Variants in NHERF2 observed in about 807,000 individuals in gnomAD.
The protein encoded by NHERF2 is NHERF family PDZ scaffold protein 2, also known as Na(+)/H(+) exchange regulatory cofactor NHE-RF2.
the NHERF2 span, chr16:2,037,756 G>A: frequency 6.5e-7 from 1 of 1,550,288 alleles, no homozygotes; most frequent in Non-Finnish European, 8.7e-7. Flanking sequence ...TTGCTCCCTA[G>A]GAGGGGCCAC....
At chr16:2,032,120 A>G in the NHERF2 span, among the ~76,000 whole-genome samples, 1 of 151,208 alleles carries the variant, frequency 6.6e-6, no homozygotes, top group Non-Finnish European at 1.5e-5. The surrounding 1 kb of genome is among the most constrained non-coding windows in gnomAD (Gnocchi z 4.0). Flanking sequence ...CCTGGGTTCA[A>G]GCAATTCTTA....
the NHERF2 span, chr16:2,032,927 G>T: frequency 9.3e-7 from 1 of 1,079,710 alleles, no homozygotes. This position sits in a 1 kb window ranked among gnomAD's most constrained non-coding sequence, Gnocchi z 4.0. Context: ...GGTGTGAGGG[G>T]TGACAGTTCT....
the NHERF2 span, chr16:2,033,001 T>G: frequency 1.7e-6 from 2 of 1,151,422 alleles, no homozygotes; most frequent in Non-Finnish European, 2.1e-6. Context: ...CCCTGGCTCT[T>G]GCTCCTCTGG....
At chr16:2,033,306 C>T in the NHERF2 span, 1 of 1,532,784 alleles carries the variant, frequency 6.5e-7, no homozygotes, top group Non-Finnish European at 8.7e-7. Flanking sequence ...AGAGTTCAGG[C>T]CACCCCGGCC....
At chr16:2,031,027 T>C in the NHERF2 span, among the ~76,000 whole-genome samples, 159 of 150,552 alleles carry the variant, frequency 1.1e-3, no homozygotes, top group South Asian at 6.9e-3. Context: ...GAACCGCGCT[T>C]GGGGCAGGGG....
At chr16:2,029,400 A>G in the NHERF2 span, 1 of 573,004 alleles carries the variant, frequency 1.7e-6, no homozygotes, top group African/African-American at 2.5e-5. Context: ...CTGAGTGCAG[A>G]GGGAGGGAGC....
chr16:2,036,219 T>A, the NHERF2 span: 4 of 1,183,794 alleles, frequency 3.4e-6, no homozygotes, highest in Non-Finnish European at 4.7e-6. Context: ...GGCCTGCCCG[T>A]GGGGGGCACG....
chr16:2,033,505 G>A, the NHERF2 span: 4 of 1,417,050 alleles, frequency 2.8e-6, no homozygotes, highest in Non-Finnish European at 3.8e-6. Flanking sequence ...TGGAAGGAGG[G>A]GACTCCGGGA....
At chr16:2,033,456 A>C in the NHERF2 span, 2 of 1,500,504 alleles carry the variant, frequency 1.3e-6, no homozygotes, top group Non-Finnish European at 1.8e-6. Flanking sequence ...GGAGGAAGGG[A>C]GGGCTAGGAG....
chr16:2,033,153 C>T, the NHERF2 span: 6,566 of 1,417,480 alleles, frequency 4.6e-3, 83 homozygotes, highest in Admixed American at 0.036. Flanking sequence ...TGGGGGGCGC[C>T]AGGCTGGAGC....
the NHERF2 span, among the ~76,000 whole-genome samples, chr16:2,034,702 C>T: frequency 1.1e-4 from 8 of 74,588 alleles, no homozygotes; most frequent in Non-Finnish European, 1.9e-4. Context: ...GCCTGGGGGC[C>T]GTGCTCCACC....
chr16:2,038,028 G>A, the NHERF2 span: 343 of 1,604,572 alleles, frequency 2.1e-4, no homozygotes, highest in Non-Finnish European at 2.7e-4. Context: ...CCTCCCGCAC[G>A]GACCTTGGGC....
the NHERF2 span, chr16:2,035,354 C>G: frequency 2.1e-6 from 2 of 963,176 alleles, no homozygotes; most frequent in Non-Finnish European, 2.4e-6. Context: ...GACCTGCCCT[C>G]CTGAGGTCTG....
At chr16:2,028,191 T>A in the NHERF2 span, among the ~76,000 whole-genome samples, 1 of 152,210 alleles carries the variant, frequency 6.6e-6, no homozygotes, top group South Asian at 2.1e-4. Flanking sequence ...ACCTAGAGAT[T>A]AGCAGGTTGG....
the NHERF2 span, chr16:2,035,337 G>A: frequency 4.3e-6 from 4 of 934,690 alleles, no homozygotes; most frequent in African/African-American, 1.8e-5. Context: ...GGTGTCTGAG[G>A]CCTGGAGACC....
At chr16:2,036,267 G>A in the NHERF2 span, 28 of 1,505,964 alleles carry the variant, frequency 1.9e-5, no homozygotes, top group East Asian at 6.5e-4. Flanking sequence ...ACCGGGGAGT[G>A]GCCTCTGGAG....
At chr16:2,033,427 G>A in the NHERF2 span, 1 of 1,531,392 alleles carries the variant, frequency 6.5e-7, no homozygotes, top group African/African-American at 1.4e-5. Flanking sequence ...CCAGAGGCTG[G>A]TACAGGTCAG....
the NHERF2 span, among the ~76,000 whole-genome samples, chr16:2,037,377 G>A: frequency 6.6e-6 from 1 of 152,100 alleles, no homozygotes; most frequent in East Asian, 1.9e-4. Context: ...ACTGCCAGGC[G>A]CCCGGTGCCT....
At chr16:2,036,010 A>G in the NHERF2 span, 4 of 366,496 alleles carry the variant, frequency 1.1e-5, no homozygotes, top group African/African-American at 8.3e-5. Context: ...GCGACAGTTC[A>G]TCCCACCTGG....
Sources: allele counts gnomAD v4.1 joint callset (sites outside exome capture counted in the v4.1 genomes callset), GRCh38; gene constraint gnomAD v4.1.1; non-coding constraint Gnocchi (gnomAD v3.1); transcripts MANE v1.5; gene names NCBI Gene and HGNC (gene_info 2026-07-23, HGNC 2026-07-21).